AVEN: variants seen among roughly 807,000 people sequenced by gnomAD.
AVEN encodes cell death regulator Aven.
AVEN carries 41 observed loss-of-function variants against 38.1 expected under a neutral mutation model. The observed-to-expected ratio is 1.08, with a 90% CI of 0.84 to 1.40. The LOEUF (loss-of-function observed/expected upper bound fraction) is 1.40. AVEN is among the 40% of genes most tolerant of loss of function. AVEN has a pLI of 0.00. For missense variants in AVEN, 605 were observed against 438.8 expected (o/e 1.38, Z -3.38); for synonymous variants, 206 against 171.8 (o/e 1.20, Z -1.56).
intron 2 of AVEN, among the ~76,000 whole-genome samples, chr15:33,925,846 T>C (rs1893587225): frequency 1.3e-5 from 2 of 152,260 alleles, no homozygotes; most frequent in South Asian, 4.1e-4. Flanking sequence ...TGAAATCCTA[T>C]GCTTCCCTTT....
intron 2 of AVEN, among the ~76,000 whole-genome samples, chr15:33,929,227 G>C (rs894649372): frequency 2.0e-5 from 3 of 152,096 alleles, no homozygotes; most frequent in South Asian, 2.1e-4. Flanking sequence ...AGTTCTTTGA[G>C]GCATTCTGCT....
chr15:33,931,933 C>G (rs1893868155), intron 2 of AVEN, among the ~76,000 whole-genome samples: 1 of 152,132 alleles, frequency 6.6e-6, no homozygotes, highest in South Asian at 2.1e-4. Context: ...ATAAAGCATC[C>G]AGAATCCTCA....
intron 2 of AVEN, among the ~76,000 whole-genome samples, chr15:33,958,641 T>C (rs544414461): frequency 1.3e-5 from 2 of 152,170 alleles, no homozygotes; most frequent in East Asian, 3.9e-4. Context: ...TTTATACACT[T>C]TTCCCCATAC....
At chr15:33,983,869 C>T (rs1263757839) in intron 2 of AVEN, among the ~76,000 whole-genome samples, 10 of 151,378 alleles carry the variant, frequency 6.6e-5, no homozygotes, top group Non-Finnish European at 1.5e-5. Flanking sequence ...CATGATCCAA[C>T]AAGAAAGGTA....
downstream of AVEN, chr15:33,864,131 G>A (rs180882042): frequency 4.6e-5 from 74 of 1,608,416 alleles, no homozygotes; most frequent in African/African-American, 3.5e-4. Context: ...TCTTTTCCTC[G>A]TTCCAGGTTC....
At chr15:33,858,201 G>A (rs1203645544), downstream of AVEN, 1 of 341,868 alleles carries the variant, frequency 2.9e-6, no homozygotes, top group Non-Finnish European at 5.3e-6. Context: ...GGGTAAAGAT[G>A]AGACATTATT....
At chr15:33,937,546 A>T (rs1253338829) in intron 2 of AVEN, among the ~76,000 whole-genome samples, 1 of 151,690 alleles carries the variant, frequency 6.6e-6, no homozygotes, top group African/African-American at 2.4e-5. Flanking sequence ...AAAAAAAAAT[A>T]AATCCTTCTA....
intron 2 of AVEN, among the ~76,000 whole-genome samples, chr15:33,992,577 T>C (rs1202360558): frequency 2.0e-5 from 3 of 152,196 alleles, no homozygotes; most frequent in African/African-American, 7.2e-5. Context: ...TTCAGATGTT[T>C]TAAATATCAA....
chr15:34,065,994 C>T, exon 4 of AVEN: 2 of 152,336 alleles, frequency 1.3e-5, no homozygotes, highest in Non-Finnish European at 2.9e-5. Context: ...GAGCTTCAGC[C>T]TACCACTGAA....
chr15:33,927,009 C>T (rs964765100), intron 2 of AVEN, among the ~76,000 whole-genome samples: 1 of 151,950 alleles, frequency 6.6e-6, no homozygotes, highest in African/African-American at 2.4e-5. Flanking sequence ...AATCCCAGCA[C>T]TTTGGGAGGC....
chr15:33,917,497 A>ACG (rs140705549), intron 2 of AVEN, among the ~76,000 whole-genome samples: 1 of 16,896 alleles, frequency 5.9e-5, no homozygotes, highest in African/African-American at 6.6e-5. Flanking sequence ...ACATATATAT[A>ACG]CACACGGAAT....
intron 2 of AVEN, among the ~76,000 whole-genome samples, chr15:33,905,774 C>T (rs1211801612): frequency 2.6e-5 from 4 of 151,088 alleles, no homozygotes; most frequent in Non-Finnish European, 2.9e-5. Flanking sequence ...GAGCCAAGAC[C>T]GTGCCATTGC....
chr15:33,953,719 A>G (rs1894837284), intron 2 of AVEN, among the ~76,000 whole-genome samples: 1 of 152,274 alleles, frequency 6.6e-6, no homozygotes, highest in African/African-American at 2.4e-5. Context: ...CATTCAGGAC[A>G]TAAGCATAGG....
At chr15:33,862,134 C>T (rs573890372), downstream of AVEN, among the ~76,000 whole-genome samples, 3 of 152,086 alleles carry the variant, frequency 2.0e-5, no homozygotes, top group South Asian at 2.1e-4. Context: ...TGTTCATTTA[C>T]AAGAAAAAAA....
chr15:33,971,612 T>C (rs1434736399), intron 2 of AVEN, among the ~76,000 whole-genome samples: 1 of 152,054 alleles, frequency 6.6e-6, no homozygotes, highest in Non-Finnish European at 1.5e-5. Flanking sequence ...CATTTTTCTG[T>C]GTTAGCATTC....
chr15:33,978,644 CAG>C (rs1158490540), intron 2 of AVEN, among the ~76,000 whole-genome samples: 1 of 151,864 alleles, frequency 6.6e-6, no homozygotes, highest in Non-Finnish European at 1.5e-5. Context: ...GCCTGGGTGA[CAG>C]AGTGAGACTC....
At chr15:33,861,090 A>G in intron 11 of AVEN, 1 of 1,589,042 alleles carries the variant, frequency 6.3e-7, no homozygotes, top group Non-Finnish European at 8.6e-7. Flanking sequence ...TAAATGTTTC[A>G]TCTGTGGGAT....
the AVEN span, chr15:33,853,653 C>G: frequency 1.9e-6 from 3 of 1,613,774 alleles, no homozygotes; most frequent in East Asian, 2.2e-5. Flanking sequence ...TAGAAGAGAC[C>G]AAAGCAGAAG....
At chr15:33,873,315 G>C (rs1257691780) in intron 3 of AVEN, among the ~76,000 whole-genome samples, 1 of 150,104 alleles carries the variant, frequency 6.7e-6, no homozygotes, top group East Asian at 2.0e-4. Context: ...GGCCAGGCTG[G>C]TCTCGAACTC....
Sources: allele counts gnomAD v4.1 joint callset (sites outside exome capture counted in the v4.1 genomes callset), GRCh38; gene constraint gnomAD v4.1.1; transcripts MANE v1.5; gene names NCBI Gene and HGNC (gene_info 2026-07-23, HGNC 2026-07-21).